Variants in HS3ST4 observed in about 807,000 individuals in gnomAD.
The protein encoded by HS3ST4 is heparan sulfate-glucosamine 3-sulfotransferase 4.
A neutral mutation model predicts 29.2 loss-of-function variants in HS3ST4; 17 were observed. The ratio of observed to expected loss-of-function variants is 0.58; its 90% CI spans 0.40 to 0.87. HS3ST4 has a LOEUF of 0.87. Ranked by LOEUF, HS3ST4 falls within the 40% of genes least tolerant of loss-of-function variation. The pLI is 0.00. For missense variants in HS3ST4, 627 were observed against 634.5 expected, an observed-to-expected ratio of 0.99 and a Z score of 0.13; for synonymous variants, 314 against 285.7, an observed-to-expected ratio of 1.10 and a Z score of -1.00.
At chr16:25,772,685 A>T (rs1434323099) in intron 1 of HS3ST4, among the ~76,000 whole-genome samples, 1 of 152,240 alleles carries the variant, frequency 6.6e-6, no homozygotes, top group Non-Finnish European at 1.5e-5. Flanking sequence ...CCATGTCTAT[A>T]GGATTCTAGA....
intron 1 of HS3ST4, among the ~76,000 whole-genome samples, chr16:25,876,115 T>C (rs1967830119): frequency 6.6e-6 from 1 of 152,188 alleles, no homozygotes; most frequent in South Asian, 2.1e-4. Context: ...ACCAGTCTCT[T>C]CATTCATTTC....
At chr16:25,970,891 C>T (rs1968890924) in intron 1 of HS3ST4, among the ~76,000 whole-genome samples, 1 of 152,076 alleles carries the variant, frequency 6.6e-6, no homozygotes, top group South Asian at 2.1e-4. Flanking sequence ...CACTCTGTCG[C>T]TCAGGCTGGA....
chr16:25,879,646 G>A (rs565017288), intron 1 of HS3ST4, among the ~76,000 whole-genome samples: 4 of 152,224 alleles, frequency 2.6e-5, no homozygotes, highest in Non-Finnish European at 5.9e-5. Context: ...AGATTTGGGT[G>A]AGGACACAGA....
intron 1 of HS3ST4, among the ~76,000 whole-genome samples, chr16:26,127,209 C>T (rs1567318505): frequency 2.0e-5 from 3 of 152,194 alleles, no homozygotes; most frequent in Admixed American, 2.0e-4. Context: ...AGCAATCGAC[C>T]CTACTCTTCT....
intron 1 of HS3ST4, among the ~76,000 whole-genome samples, chr16:25,847,446 T>C (rs1037971816): frequency 1.8e-4 from 28 of 152,194 alleles, no homozygotes; most frequent in African/African-American, 6.0e-4. Context: ...ATAGTGACAG[T>C]TTGTGACTTT....
At chr16:25,934,790 C>T (rs933914870) in intron 1 of HS3ST4, among the ~76,000 whole-genome samples, 4 of 152,062 alleles carry the variant, frequency 2.6e-5, no homozygotes, top group African/African-American at 9.7e-5. Flanking sequence ...TTAATGTAAA[C>T]TTTATGTTTC....
At chr16:26,041,956 T>C (rs1969639673) in intron 1 of HS3ST4, among the ~76,000 whole-genome samples, 1 of 152,208 alleles carries the variant, frequency 6.6e-6, no homozygotes, top group South Asian at 2.1e-4. Context: ...GGAGTCTGCA[T>C]TATAATGCAG....
intron 1 of HS3ST4, among the ~76,000 whole-genome samples, chr16:25,936,818 T>C (rs1218327102): frequency 6.6e-6 from 1 of 152,256 alleles, no homozygotes; most frequent in Non-Finnish European, 1.5e-5. Context: ...ACTGTGGGAC[T>C]CTAGGAAATA....
At chr16:25,922,831 G>C (rs930114337) in intron 1 of HS3ST4, among the ~76,000 whole-genome samples, 2 of 152,216 alleles carry the variant, frequency 1.3e-5, no homozygotes, top group African/African-American at 4.8e-5. Context: ...AAGCTTTTCA[G>C]ATGCTTCTTT....
At chr16:25,771,324 G>A (rs1311936421) in intron 1 of HS3ST4, among the ~76,000 whole-genome samples, 1 of 152,150 alleles carries the variant, frequency 6.6e-6, no homozygotes, top group Non-Finnish European at 1.5e-5. Context: ...TCTGGAGCCT[G>A]TTCTTAGAAA....
chr16:25,762,625 G>T (rs910125630), intron 1 of HS3ST4, among the ~76,000 whole-genome samples: 11 of 152,156 alleles, frequency 7.2e-5, no homozygotes, highest in African/African-American at 2.6e-4. Flanking sequence ...CCCAGCACTT[G>T]GGAGGCTGAG....
chr16:25,873,536 A>T (rs201943028), intron 1 of HS3ST4, among the ~76,000 whole-genome samples: 41,594 of 131,580 alleles, frequency 0.32, 6,592 homozygotes, highest in East Asian at 0.47. Context: ...CTATCTATCT[A>T]TCTTTCTCTA....
chr16:25,902,029 C>T lies in HS3ST4; in HGVS notation c.734+208878C>T, dbSNP rs141859558. Among the ~76,000 whole-genome samples, 414 of 152,316 alleles carry T rather than the reference C, an allele frequency of 2.7e-3. 2 individuals are homozygous for T. The highest frequency in any genetic ancestry group is 9.4e-3 in the African/African-American group (389 of 41,568). On this transcript the variant is annotated intron_variant, in intron 1 of 1. Coordinates refer to ENST00000331351, the MANE Select transcript of HS3ST4 (RefSeq NM_006040.3). ...TCTCTGCTTATGTCTACCTCTGCAT[C>T]ACATCTCCACCACGATATGGGTGTT...
Position 25,692,537 on chromosome 16 carries a change from CT to C in HS3ST4, c.122del (p.Leu41CysfsTer109). ...PARKLLFMCT[L>X]SLSVTYLCYS... is the part of the protein sequence containing the mutation. ...CGCGCAAGCTGCTTTTTATGTGCAC[CT>C]TGTCCCTGTCTGTCACCTACCTGTG... On this transcript the variant is annotated frameshift_variant, in exon 1 of 2. Transcript: ENST00000331351. LOFTEE classifies it high-confidence loss of function. 2 of 1,452,728 alleles carry C rather than the reference CT, an allele frequency of 1.4e-6. No homozygotes were observed. Among genetic ancestry groups the C allele is most frequent in the Non-Finnish European group, 9.1e-7 (1 of 1,093,036 alleles). The allele number at this position is 1,452,728 out of a possible 1,614,324, so 90.0% of individuals were successfully genotyped here.
chr16:26,054,323 G>A lies in HS3ST4; in HGVS notation c.735-81289G>A, dbSNP rs554817562. Among the ~76,000 whole-genome samples, 1,418 of 146,626 alleles carry A rather than the reference G, an allele frequency of 9.7e-3. 25 individuals carry two copies. The highest frequency in any genetic ancestry group is 0.036 in the African/African-American group (1,339 of 36,720). ...GAAGGAGGAGGAGGAAGAAGAAGAAGAAGAAGAGAAGAAGAAGAAGAATGC... is the reference window on the plus strand; with the variant it reads ...GAAGGAGGAGGAGGAAGAAGAAGAAAAAGAAGAGAAGAAGAAGAAGAATGC... On this transcript the variant is annotated intron_variant, in intron 1 of 1. Transcript: ENST00000331351.
At chr16:26,102,749 C>T (rs567848325) in intron 1 of HS3ST4, among the ~76,000 whole-genome samples, 53 of 152,208 alleles carry the variant, frequency 3.5e-4, no homozygotes, top group Non-Finnish European at 6.8e-4. Flanking sequence ...GTTTATTTAG[C>T]ACTTACTGGG....
intron 1 of HS3ST4, among the ~76,000 whole-genome samples, chr16:26,040,347 A>G (rs1292305921): frequency 1.4e-5 from 2 of 140,136 alleles, no homozygotes; most frequent in East Asian, 2.1e-4. Flanking sequence ...CTTGTTGCCC[A>G]GGCTGGAGCG....
At chr16:25,710,639 T>G (rs542967090) in intron 1 of HS3ST4, among the ~76,000 whole-genome samples, 1 of 152,128 alleles carries the variant, frequency 6.6e-6, no homozygotes. Flanking sequence ...AATGGTTCTT[T>G]TTATAAAGAG....
intron 1 of HS3ST4, among the ~76,000 whole-genome samples, chr16:25,740,187 G>A (rs1351991240): frequency 1.3e-5 from 2 of 152,092 alleles, no homozygotes. Flanking sequence ...TGAGGCACTG[G>A]ACTACCGTCG....
Sources: gnomAD v4.1 joint callset for allele counts (sites outside exome capture counted in the v4.1 genomes callset) on GRCh38, gnomAD v4.1.1 for gene constraint, MANE v1.5 for transcripts, NCBI Gene and HGNC (gene_info 2026-07-23, HGNC 2026-07-21) for gene names.